Variants in TTLL4 observed in about 807,000 individuals in gnomAD.
TTLL4 encodes the protein tubulin monoglutamylase TTLL4.
In TTLL4, 85 loss-of-function variants were observed where a neutral mutation model predicts 122.7. The observed-to-expected ratio is 0.69, with a 90% confidence interval of 0.58 to 0.83. The LOEUF (loss-of-function observed/expected upper bound fraction) is 0.83. Ranked by LOEUF, TTLL4 falls within the 40% of genes least tolerant of loss-of-function variation. TTLL4 has a pLI of 0.00. For synonymous variants in TTLL4, 553 were observed against 563.0 expected (o/e 0.98, Z 0.25); for missense variants, 1,363 against 1,488.6 (o/e 0.92, Z 1.39).
At chr2:218,716,755 C>T (rs528422552) in intron 1 of TTLL4, among the ~76,000 whole-genome samples, 2 of 152,092 alleles carry the variant, frequency 1.3e-5, no homozygotes, top group Non-Finnish European at 2.9e-5. Flanking sequence ...TGCCACTGCA[C>T]TCCAGCCTGG....
chr2:218,737,428 T>A (rs1379480285), intron 2 of TTLL4, 151 bp from the exon 3 acceptor site: 1 of 440,296 alleles, frequency 2.3e-6, no homozygotes, highest in Non-Finnish European at 4.1e-6. Flanking sequence ...CCTGGAAATC[T>A]GGTGTTCTTC....
intron 5 of TTLL4, among the ~76,000 whole-genome samples, chr2:218,741,570 A>T (rs1942701956): frequency 6.6e-6 from 1 of 152,186 alleles, no homozygotes; most frequent in Non-Finnish European, 1.5e-5. Flanking sequence ...GGAAAGTGGG[A>T]GCGAGAACTG....
chr2:218,737,584 C>CA lies in TTLL4; in HGVS notation c.-92dup. 2 of 1,405,172 alleles carry CA rather than the reference C, an allele frequency of 1.4e-6. No individual in the cohort carries two copies. The highest frequency in any genetic ancestry group is 2.7e-4 in the Middle Eastern group (1 of 3,770). 87.0% of individuals were successfully genotyped at this position (1,405,172 alleles called of 1,614,324 possible). A position where few individuals can be genotyped will look rare whatever the true frequency, so the allele number is the denominator to read the frequency against. ...ATCATTTCTCTCCACTTCAGACTGA[C>CA]AGACTTCAAGGATGCAGCTGCTACT... On this transcript the variant is annotated 5_prime_UTR_variant, in exon 3 of 20. Transcript: ENST00000392102.
At chr2:218,711,468 G>T (rs1311819698) in intron 1 of TTLL4, among the ~76,000 whole-genome samples, 3 of 152,212 alleles carry the variant, frequency 2.0e-5, no homozygotes, top group Non-Finnish European at 4.4e-5. Context: ...ATCTGTAGAA[G>T]AATACGTTCC....
At chr2:218,746,912 A>T (rs1370755309) in intron 8 of TTLL4, 91 bp from the exon 9 acceptor site, 1 of 1,414,692 alleles carries the variant, frequency 7.1e-7, no homozygotes, top group African/African-American at 1.4e-5. Flanking sequence ...GAGTGCTGCT[A>T]AAGAAGTTGG....
chr2:218,743,303 C>G (rs1408176109), intron 5 of TTLL4, among the ~76,000 whole-genome samples: 1 of 152,202 alleles, frequency 6.6e-6, no homozygotes, highest in Non-Finnish European at 1.5e-5. Context: ...CAGTATGTCA[C>G]CTTTTGACAT....
In TTLL4 at chr2:218,754,319, A is replaced by G. The variant is rs2106467528; in HGVS notation, c.3530A>G (p.Gln1177Arg). 1.2e-6 allele frequency: 2 copies of G among 1,614,202 alleles called. No homozygotes were observed. The highest frequency in any genetic ancestry group is 1.7e-6 in the Non-Finnish European group (2 of 1,180,032). The change falls in exon 20 of 20, where the codon CAG (glutamine) becomes CGG (arginine). Residue 1177 changes from glutamine (Q) to arginine (R), a missense_variant. By Grantham distance (43) the Gln-to-Arg change is conservative. This residue lies in a region of TTLL4 where 596 missense variants were observed against 655.8 expected (regional missense o/e 0.91). Transcript: ENST00000392102. Reference protein sequence around the residue: ...QTLPVIKCSGQTSRLSASSTF... With the variant: ...QTLPVIKCSGRTSRLSASSTF... Reference sequence around the variant, plus strand: ...TTACCTGTGATCAAGTGCTCTGGGCAGACTTCAAGACTTTCTGCTTCCTCC... The same window carrying G: ...TTACCTGTGATCAAGTGCTCTGGGCGGACTTCAAGACTTTCTGCTTCCTCC...
chr2:218,741,054 T>C (rs1486431457), intron 5 of TTLL4, among the ~76,000 whole-genome samples: 2 of 151,832 alleles, frequency 1.3e-5, no homozygotes, highest in Admixed American at 1.3e-4. Flanking sequence ...GCCTGGGTGA[T>C]GGAGCAAGAC....
At position 218,745,210 on chromosome 2, in the gene TTLL4, A is replaced by C. The variant is rs574453999; in HGVS notation, c.1763A>C (p.Tyr588Ser). ...TTTCCCAACGTTCCCCCTACCATCT[A>C]TTTTGGCACTCGGGATGAGAGAGGT... is the stretch of plus-strand genomic sequence containing the variant. ...SLFPNVPPTIYFGTRDERVEK... is the reference protein window; with the variant it reads ...SLFPNVPPTISFGTRDERVEK... The change falls in exon 6 of 20, where the codon TAT becomes TCT. Residue 588 changes from tyrosine (Y) to serine (S), a missense_variant. By Grantham distance (144) the Tyr-to-Ser change is moderately radical. Transcript: ENST00000392102. 2.5e-6 allele frequency: 4 copies of C among 1,613,898 alleles called. No homozygotes were observed. The highest frequency in any genetic ancestry group is 3.4e-6 in the Non-Finnish European group (4 of 1,179,914).
At chr2:218,739,837 A>G (rs1345968194) in intron 3 of TTLL4, among the ~76,000 whole-genome samples, 1 of 152,244 alleles carries the variant, frequency 6.6e-6, no homozygotes, top group Non-Finnish European at 1.5e-5. Flanking sequence ...AAGAAAATGG[A>G]AAACATAGTG....
chr2:218,716,860 G>C (rs1575156502), intron 1 of TTLL4, among the ~76,000 whole-genome samples: 1 of 152,214 alleles, frequency 6.6e-6, no homozygotes, highest in African/African-American at 2.4e-5. Context: ...TGGTGGAAAA[G>C]TATAGTGGGT....
chr2:218,735,771 C>CT (rs1435174321), intron 2 of TTLL4, among the ~76,000 whole-genome samples: 1 of 151,488 alleles, frequency 6.6e-6, no homozygotes, highest in Non-Finnish European at 1.5e-5. Flanking sequence ...CTCCCGAGGT[C>CT]AAGCGATTCT....
At position 218,740,596 on chromosome 2, in the gene TTLL4, T is replaced by C. The variant is rs1373000309; in HGVS notation, c.1661+12T>C. The C allele has an allele frequency of 6.2e-7, 1 of 1,613,854 alleles. No individual in the cohort carries two copies. The highest frequency in any genetic ancestry group is 8.5e-7 in the Non-Finnish European group (1 of 1,179,810). On this transcript the variant is annotated intron_variant, in intron 5 of 19. Coordinates refer to ENST00000392102, the MANE Select transcript of TTLL4 (RefSeq NM_014640.5). ...GCCATGATCTCTAGGTAAGTGTGGC[T>C]GTATAGATCATTGTTACATGCTCAT...
At chr2:218,752,558 A>T (rs958483363) in intron 16 of TTLL4, among the ~76,000 whole-genome samples, 1 of 152,092 alleles carries the variant, frequency 6.6e-6, no homozygotes, top group African/African-American at 2.4e-5. Flanking sequence ...CCCAAACAAG[A>T]GTGCCTTCCC....
At chr2:218,748,471 A>G (rs1451297731) in intron 12 of TTLL4, 2 of 524,396 alleles carry the variant, frequency 3.8e-6, no homozygotes, top group Non-Finnish European at 6.4e-6. Context: ...CCTGGCCAAC[A>G]TGGCGAAGCC....
intron 1 of TTLL4, among the ~76,000 whole-genome samples, chr2:218,723,080 C>T (rs2106400943): frequency 6.6e-6 from 1 of 152,354 alleles, no homozygotes; most frequent in South Asian, 2.1e-4. Context: ...TGTGATTGAT[C>T]TGTTCTTCTC....
At position 218,752,934 on chromosome 2, in the gene TTLL4, A is replaced by G; in HGVS notation, c.3148A>G (p.Thr1050Ala). Residue 1050 changes from threonine (T) to alanine (A), a missense_variant, in exon 17 of 20, where the codon ACC becomes GCC. Thr to Ala is a moderately conservative substitution (Grantham distance 58, BLOSUM62 0). Around this residue, in one of 3 missense-constraint regions of TTLL4, gnomAD observed 596 missense variants for 655.8 expected, o/e 0.91. Transcript: ENST00000392102. ...EQPRYFNILT[T>A]QWEQKYHGNK... ...GCCACGATATTTCAACATTCTCACC[A>G]CCCAATGGGAACAGAAATACCATGG... 2 of 1,613,834 alleles carry G rather than the reference A, an allele frequency of 1.2e-6. No homozygotes were observed. Among genetic ancestry groups the G allele is most frequent in the Non-Finnish European group, 1.7e-6 (2 of 1,179,952 alleles).
intron 1 of TTLL4, among the ~76,000 whole-genome samples, chr2:218,722,689 G>A (rs1359384791): frequency 3.3e-5 from 5 of 152,174 alleles, no homozygotes; most frequent in Non-Finnish European, 7.3e-5. Context: ...CTTAAGCTGT[G>A]TTTTAAAAAG....
intron 2 of TTLL4, among the ~76,000 whole-genome samples, chr2:218,732,753 G>A (rs974759574): frequency 6.6e-6 from 1 of 152,144 alleles, no homozygotes; most frequent in African/African-American, 2.4e-5. Context: ...GCAGTGATTG[G>A]GGGTCTGGGA....
Sources: allele counts gnomAD v4.1 joint callset (sites outside exome capture counted in the v4.1 genomes callset), GRCh38; gene constraint gnomAD v4.1.1; regional missense constraint gnomAD v4.1.1; transcripts MANE v1.5; gene names NCBI Gene and HGNC (gene_info 2026-07-23, HGNC 2026-07-21).